IFT52: variants seen among roughly 807,000 people sequenced by gnomAD.
IFT52 encodes intraflagellar transport protein 52 homolog.
Under a neutral mutation model 54.4 loss-of-function variants are expected in IFT52, and 44 were observed. The observed-to-expected ratio is 0.81, with a 90% CI of 0.63 to 1.04. IFT52 has a LOEUF of 1.04. Among genes scored for constraint, IFT52 ranks in the 50% least tolerant of loss-of-function variants. The probability of loss-of-function intolerance (pLI) is 0.00; values close to 1 mark genes in which losing one functional copy is unlikely to be tolerated. For missense variants in IFT52, 452 were observed against 523.6 expected, an observed-to-expected ratio of 0.86 and a Z score of 1.33; for synonymous variants, 181 against 185.3, an observed-to-expected ratio of 0.98 and a Z score of 0.19.
At chr20:43,610,082 C>G (rs1049677111) in intron 6 of IFT52, among the ~76,000 whole-genome samples, 1 of 151,382 alleles carries the variant, frequency 6.6e-6, no homozygotes, top group Non-Finnish European at 1.5e-5. Flanking sequence ...GGCAGATCAC[C>G]TGAGGTTAAG....
intron 1 of IFT52, among the ~76,000 whole-genome samples, chr20:43,592,137 T>C (rs570676440): frequency 6.6e-6 from 1 of 152,246 alleles, no homozygotes; most frequent in South Asian, 2.1e-4. Flanking sequence ...GGTGGATCAC[T>C]TGAGGTCAGG....
chr20:43,598,788 A>T (rs1475300635), intron 3 of IFT52, among the ~76,000 whole-genome samples: 1 of 152,208 alleles, frequency 6.6e-6, no homozygotes, highest in Non-Finnish European at 1.5e-5. Flanking sequence ...TTTCACAGTC[A>T]ATAAAACAAA....
Position 43,624,038 on chromosome 20 carries a change from G to A in IFT52, c.916G>A (p.Val306Ile), listed in dbSNP as rs369948890. 3.4e-5 allele frequency: 55 copies of A among 1,613,858 alleles called. 1 individual carries two copies. In the Admixed American group the frequency reaches 3.7e-4, roughly 11 times the overall value. ...GCTGGATACCACCTCCTTCCACAGC[G>A]TCATCGAGTCAGTACCTGTGGGCCT... Reference protein sequence around the residue: ...FQLDTTSFHSVIEAHEQLNVK... With the variant: ...FQLDTTSFHSIIEAHEQLNVK... The change falls in exon 10 of 14, where the codon GTC becomes ATC. Residue 306 changes from valine to isoleucine, a missense_variant. Val to Ile is a conservative substitution (Grantham distance 29). Transcript: ENST00000373030.
chr20:43,597,827 G>A (rs1296478132), intron 3 of IFT52, among the ~76,000 whole-genome samples: 4 of 146,396 alleles, frequency 2.7e-5, no homozygotes, highest in African/African-American at 1.0e-4. Context: ...CTGGGAGGCG[G>A]AGTTGCAGCG....
chr20:43,598,767 T>C (rs1479950298), intron 3 of IFT52, among the ~76,000 whole-genome samples: 1 of 152,054 alleles, frequency 6.6e-6, no homozygotes, highest in Admixed American at 6.6e-5. Flanking sequence ...TAGGAAAGAT[T>C]AGGTGTGTTT....
intron 6 of IFT52, among the ~76,000 whole-genome samples, chr20:43,610,028 G>C (rs939824714): frequency 6.6e-6 from 1 of 151,848 alleles, no homozygotes. Context: ...GCCCAGGTAC[G>C]ATGACTCATG....
At chr20:43,608,788 T>C (rs1202136247) in intron 6 of IFT52, among the ~76,000 whole-genome samples, 1 of 152,074 alleles carries the variant, frequency 6.6e-6, no homozygotes, top group African/African-American at 2.4e-5. Flanking sequence ...CGCACCTGTA[T>C]TCCCAGCTAC....
chr20:43,628,624 G>T (rs1234702184), intron 10 of IFT52, among the ~76,000 whole-genome samples: 1 of 152,174 alleles, frequency 6.6e-6, no homozygotes, highest in African/African-American at 2.4e-5. Context: ...AGGCCGAAGC[G>T]AGCGGATCAC....
chr20:43,627,528 A>G (rs1984818180), intron 10 of IFT52, among the ~76,000 whole-genome samples: 1 of 152,238 alleles, frequency 6.6e-6, no homozygotes, highest in African/African-American at 2.4e-5. Flanking sequence ...GAGCAGGGGC[A>G]AGGGCCAGGG....
At chr20:43,618,684 A>T (rs1322306207) in intron 7 of IFT52, among the ~76,000 whole-genome samples, 1 of 151,582 alleles carries the variant, frequency 6.6e-6, no homozygotes, top group African/African-American at 2.4e-5. Flanking sequence ...GGGTTTCACC[A>T]TGTTGGCCAG....
At chr20:43,616,015 G>A (rs1157830361) in intron 7 of IFT52, among the ~76,000 whole-genome samples, 4 of 152,136 alleles carry the variant, frequency 2.6e-5, no homozygotes, top group Admixed American at 2.0e-4. Context: ...GTACAAATCA[G>A]AGGGTTTTTT....
intron 13 of IFT52, among the ~76,000 whole-genome samples, chr20:43,645,820 A>G (rs6031014): frequency 0.33 from 15,918 of 48,966 alleles, 7,534 homozygotes; most frequent in African/African-American, 0.83. Context: ...AGCAGTGATC[A>G]TGCCACTGCA....
At chr20:43,597,743 A>G (rs1473857209) in intron 3 of IFT52, among the ~76,000 whole-genome samples, 2 of 151,864 alleles carry the variant, frequency 1.3e-5, no homozygotes, top group East Asian at 3.9e-4. Flanking sequence ...AAAATACAAA[A>G]ATTAGCCGGG....
chr20:43,599,624 G>C (rs901378318), intron 3 of IFT52, among the ~76,000 whole-genome samples: 1 of 152,066 alleles, frequency 6.6e-6, no homozygotes, highest in Non-Finnish European at 1.5e-5. Context: ...TGCTTTCCTT[G>C]TCATTGCTGC....
At chr20:43,643,485 C>CAAA (rs559641727) in intron 13 of IFT52, among the ~76,000 whole-genome samples, 584 of 46,030 alleles carry the variant, frequency 0.013, 258 homozygotes, top group Non-Finnish European at 0.014. Flanking sequence ...GACTCTGTCT[C>CAAA]AAAAAAAAAA....
chr20:43,600,117 C>T (rs1182337852), intron 3 of IFT52, among the ~76,000 whole-genome samples: 2 of 152,110 alleles, frequency 1.3e-5, no homozygotes, highest in Non-Finnish European at 2.9e-5. Flanking sequence ...GTCATACATG[C>T]ATTAGAACAC....
chr20:43,596,032 C>T (rs537960812), intron 2 of IFT52, among the ~76,000 whole-genome samples: 2 of 152,278 alleles, frequency 1.3e-5, no homozygotes, highest in African/African-American at 2.4e-5. Flanking sequence ...TAGAGGCTTT[C>T]TTCATATTTT....
intron 10 of IFT52, 158 bp downstream of exon 10, chr20:43,624,203 A>G (rs1229098354): frequency 1.2e-6 from 1 of 800,956 alleles, no homozygotes; most frequent in African/African-American, 1.7e-5. Flanking sequence ...TGGGCTGGGC[A>G]TGAGGGGTTG....
At chr20:43,607,082 C>A in intron 6 of IFT52, among the ~76,000 whole-genome samples, 1 of 152,248 alleles carries the variant, frequency 6.6e-6, no homozygotes, top group East Asian at 1.9e-4. Flanking sequence ...ATGGCCCGTT[C>A]TCAATGAGCT....
Sources: allele counts gnomAD v4.1 joint callset (sites outside exome capture counted in the v4.1 genomes callset), GRCh38; gene constraint gnomAD v4.1.1; transcripts MANE v1.5; gene names NCBI Gene and HGNC (gene_info 2026-07-23, HGNC 2026-07-21).